Variants in PANX2 observed in about 807,000 individuals in gnomAD.
PANX2 encodes pannexin-2.
PANX2 carries 30 observed loss-of-function variants against 38.7 expected under a neutral mutation model. The ratio of observed to expected loss-of-function variants is 0.78; its 90% CI spans 0.58 to 1.05. The LOEUF is 1.05. Among genes scored for constraint, PANX2 ranks in the 50% least tolerant of loss-of-function variants. PANX2 has a pLI of 0.00. For missense variants in PANX2, 880 were observed against 979.3 expected (o/e 0.90, Z 1.35); for synonymous variants, 539 against 472.1 (o/e 1.14, Z -1.84).
At chr22:50,173,106 C>T (rs1010873129) in intron 1 of PANX2, among the ~76,000 whole-genome samples, 3 of 152,178 alleles carry the variant, frequency 2.0e-5, no homozygotes, top group Non-Finnish European at 4.4e-5. Context: ...CCATGTTGGC[C>T]AGGATGGTCT....
Position 50,179,279 on chromosome 22 carries a change from G to A in PANX2, c.*2G>A. 2 of 1,610,706 alleles carry A rather than the reference G, an allele frequency of 1.2e-6. No homozygotes were observed. Among genetic ancestry groups the A allele is most frequent in the Non-Finnish European group, 1.7e-6 (2 of 1,178,712 alleles). ...GTCGTGAGTACTGTGGAGTTTTGAG[G>A]GATGGCACCGTCCAGGCCGCCGAGA... On this transcript the variant is annotated 3_prime_UTR_variant, in exon 3 of 3. Transcript: ENST00000395842.
chr22:50,173,118 G>A (rs569735357), intron 1 of PANX2, among the ~76,000 whole-genome samples: 39 of 152,128 alleles, frequency 2.6e-4, no homozygotes, highest in East Asian at 7.8e-4. Flanking sequence ...GGATGGTCTC[G>A]ATCTCCTGAC....
Position 50,179,268 on chromosome 22 carries a change from G to C in PANX2, c.2025G>C (p.Val675=). Reference sequence around the variant, plus strand: ...AGCCGAGAACGGTCGTGAGTACTGTGGAGTTTTGAGGGATGGCACCGTCCA... The same window carrying C: ...AGCCGAGAACGGTCGTGAGTACTGTCGAGTTTTGAGGGATGGCACCGTCCA... ...FDEPRTVVST[V]EF Residue 675 remains valine (V), a synonymous_variant, in exon 3 of 3, where the codon GTG becomes GTC. Coordinates refer to ENST00000395842, the MANE Select transcript of PANX2 (RefSeq NM_052839.4). 6.2e-7 allele frequency: 1 copy of C among 1,612,176 alleles called. No homozygotes were observed. The highest frequency in any genetic ancestry group is 1.1e-5 in the South Asian group (1 of 91,030).
intron 1 of PANX2, among the ~76,000 whole-genome samples, chr22:50,172,945 GGAGTA>G (rs1250906697): frequency 6.8e-6 from 1 of 147,694 alleles, no homozygotes; most frequent in Non-Finnish European, 1.5e-5. Context: ...CACCCAGGCT[GGAGTA>G]TAGTGGCGCG....
In PANX2 at chr22:50,177,947, C is replaced by A; in HGVS notation, c.1235C>A (p.Ala412Asp). ...VQTVDPSANP[A>D]EPDGAAEPPV... The stretch of plus-strand genomic sequence containing the variant: ...ACCGTGGACCCCAGCGCCAACCCCG[C>A]CGAGCCCGACGGCGCCGCCGAGCCG... Residue 412 changes from alanine to aspartate, a missense_variant, in exon 2 of 3, where the codon GCC becomes GAC. Physicochemically the swap from Ala to Asp is moderately radical, Grantham distance 126 (BLOSUM62 -2). This residue lies in a region of PANX2 where 445 missense variants were observed against 404.3 expected (regional missense o/e 1.10). Transcript: ENST00000395842. 4 of 1,532,848 alleles carry A rather than the reference C, an allele frequency of 2.6e-6. No homozygotes were observed. The highest frequency in any genetic ancestry group is 2.5e-5 in the East Asian group (1 of 40,444). The allele number at this position is 1,532,848 out of a possible 1,614,324, so 95.0% of individuals were successfully genotyped here. A position where few individuals can be genotyped will look rare whatever the true frequency, so the allele number is the denominator to read the frequency against.
Position 50,179,462 on chromosome 22 carries a change from G to C in PANX2, c.*185G>C. 6.8e-6 allele frequency: 4 copies of C among 591,958 alleles called. No homozygotes were observed. The highest frequency in any genetic ancestry group is 6.2e-5 in the South Asian group (3 of 48,156). The allele number at this position is 591,958 out of a possible 1,614,324, so 36.7% of individuals were successfully genotyped here. ...CGTGCTCGACAGGGGAACCCGCCCG[G>C]ACGGCATCGCCAGGCACTGGCTGGG... On this transcript the variant is annotated 3_prime_UTR_variant, in exon 3 of 3. Transcript: ENST00000395842.
chr22:50,173,086 C>T (rs949941103), intron 1 of PANX2, among the ~76,000 whole-genome samples: 14 of 152,108 alleles, frequency 9.2e-5, no homozygotes, highest in East Asian at 1.9e-4. Flanking sequence ...TTAGTAGAGA[C>T]GGGGTTTTGC....
chr22:50,172,550 C>T (rs930077167), intron 1 of PANX2, among the ~76,000 whole-genome samples: 1 of 151,398 alleles, frequency 6.6e-6, no homozygotes, highest in African/African-American at 2.4e-5. Context: ...AGCCCCGAGC[C>T]CCCAGTAGCA....
chr22:50,178,112 C>T lies in PANX2; in HGVS notation c.1400C>T (p.Thr467Met). The T allele has an allele frequency of 1.9e-6, 3 of 1,543,188 alleles. No homozygotes were observed. Among genetic ancestry groups the T allele is most frequent in the South Asian group, 1.2e-5 (1 of 84,034 alleles). ...AAGCCGAAGCCCGCGCGCAGGAAGACGGCCACGGACACGCTGATCGCGCCG... is the reference window on the plus strand; with the variant it reads ...AAGCCGAAGCCCGCGCGCAGGAAGATGGCCACGGACACGCTGATCGCGCCG... ...AEKPKPARRK[T>M]ATDTLIAPLL... is the part of the protein sequence containing the mutation. Residue 467 changes from threonine (T) to methionine (M), a missense_variant, in exon 2 of 3, where the codon ACG becomes ATG. Physicochemically the swap from Thr to Met is moderately conservative, Grantham distance 81 (BLOSUM62 -1). Around this residue, in one of 4 missense-constraint regions of PANX2, gnomAD observed 445 missense variants for 404.3 expected, o/e 1.10. Transcript: ENST00000395842.
intron 1 of PANX2, among the ~76,000 whole-genome samples, chr22:50,176,573 A>G (rs1221935844): frequency 1.3e-5 from 2 of 152,252 alleles, no homozygotes; most frequent in African/African-American, 4.8e-5. Flanking sequence ...TGTGGATAGA[A>G]GAAGGACCCT....
At chr22:50,172,635 G>C (rs2147058035) in intron 1 of PANX2, among the ~76,000 whole-genome samples, 1 of 152,176 alleles carries the variant, frequency 6.6e-6, no homozygotes, top group African/African-American at 2.4e-5. Context: ...AAACTCCTGG[G>C]CTCAAGTGAT....
rs1460077150 is a variant in PANX2 at position 50,177,025 on chromosome 22, GA to G, written c.314del (p.Asp105AlafsTer129). On this transcript the variant is annotated frameshift_variant, in exon 2 of 3. Transcript: ENST00000395842. LOFTEE classifies it high-confidence loss of function. ...CGGCTACTGCTGGACGGAGCTGCGG[GA>G]CGCGCTGCCCGGCGTGGACGCCAGC... ...ARGYCWTELR[D>X]ALPGVDASLW... is the part of the protein sequence containing the mutation. 6.2e-7 allele frequency: 1 copy of G among 1,605,640 alleles called. No individual in the cohort carries two copies. Among genetic ancestry groups the G allele is most frequent in the Non-Finnish European group, 8.5e-7 (1 of 1,177,886 alleles).
Position 50,173,328 on chromosome 22 carries a change from C to T in PANX2, c.226+2372C>T, listed in dbSNP as rs1016850663. 4.6e-5 allele frequency among the ~76,000 whole-genome samples: 7 copies of T among 152,392 alleles called. No homozygotes were observed. In the South Asian group the frequency reaches 1.0e-3, roughly 23 times the overall value. ...GATTACAGGCATGAGCCACCGCACC[C>T]GGCCCAACTTTCTTCTTTAAAGCGG... On this transcript the variant is annotated intron_variant, in intron 1 of 2. Coordinates refer to ENST00000395842, the MANE Select transcript of PANX2 (RefSeq NM_052839.4).
At chr22:50,173,771 C>T (rs1569066126) in intron 1 of PANX2, among the ~76,000 whole-genome samples, 1 of 152,224 alleles carries the variant, frequency 6.6e-6, no homozygotes, top group African/African-American at 2.4e-5. Flanking sequence ...CCAGAGGCCT[C>T]CACATTCCTG....
chr22:50,179,097 C>T lies in PANX2; in HGVS notation c.1854C>T (p.Ser618=), dbSNP rs770397542. ...AGGCGGAGCCCCTCACCATCCTGAGCCGAAACGCCACACACCCGCTGCTGC... is the reference window on the plus strand; with the variant it reads ...AGGCGGAGCCCCTCACCATCCTGAGTCGAAACGCCACACACCCGCTGCTGC... The part of the protein sequence containing the change: ...LGKAEPLTIL[S]RNATHPLLHI... Residue 618 remains serine, a synonymous_variant, in exon 3 of 3, where the codon AGC becomes AGT. Coordinates refer to ENST00000395842, the MANE Select transcript of PANX2 (RefSeq NM_052839.4). The T allele has an allele frequency of 1.2e-6, 2 of 1,611,778 alleles. No homozygotes were observed. Among genetic ancestry groups the T allele is most frequent in the South Asian group, 2.2e-5 (2 of 90,948 alleles).
chr22:50,172,092 A>C (rs1049822346), intron 1 of PANX2, among the ~76,000 whole-genome samples: 1 of 152,170 alleles, frequency 6.6e-6, no homozygotes, highest in Non-Finnish European at 1.5e-5. Flanking sequence ...GTGGGCACAC[A>C]GCACACTCTG....
chr22:50,177,509 A>C lies in PANX2; in HGVS notation c.797A>C (p.Asp266Ala). The C allele has an allele frequency of 2.5e-6, 4 of 1,609,624 alleles. No homozygotes were observed. The highest frequency in any genetic ancestry group is 3.4e-6 in the Non-Finnish European group (4 of 1,178,344). ...EFTCALGASP[D>A]GAAGAGPAVR... Reference sequence around the variant, plus strand: ...ACCTGCGCGCTGGGCGCGTCCCCGGACGGGGCGGCAGGTGCGGGGCCCGCG... The same window carrying C: ...ACCTGCGCGCTGGGCGCGTCCCCGGCCGGGGCGGCAGGTGCGGGGCCCGCG... The change falls in exon 2 of 3, where the codon GAC (aspartate) becomes GCC (alanine). Residue 266 changes from aspartate (D) to alanine (A), a missense_variant. Asp to Ala is a moderately radical substitution (Grantham distance 126). Transcript: ENST00000395842.
chr22:50,171,588 G>C (rs746133453), intron 1 of PANX2, among the ~76,000 whole-genome samples: 4 of 152,158 alleles, frequency 2.6e-5, no homozygotes, highest in Admixed American at 6.5e-5. Context: ...ACCAGGGCAG[G>C]GACCCGCGCT....
Position 50,178,026 on chromosome 22 carries a change from G to T in PANX2, c.1314G>T (p.Pro438=). The T allele has an allele frequency of 6.5e-7, 1 of 1,548,238 alleles. No individual in the cohort carries two copies. Residue 438 remains proline (P), a synonymous_variant, in exon 2 of 3, where the codon CCG becomes CCT. Coordinates refer to ENST00000395842, the MANE Select transcript of PANX2 (RefSeq NM_052839.4). ...TGAAGTGGATCCCCACCAGCAACCC[G>T]CTTCCGCAGCCCTTCAAGGAGCCGC... ...KKMKWIPTSN[P]LPQPFKEPLA...
Sources: allele counts gnomAD v4.1 joint callset (sites outside exome capture counted in the v4.1 genomes callset), GRCh38; gene constraint gnomAD v4.1.1; regional missense constraint gnomAD v4.1.1; transcripts MANE v1.5; gene names NCBI Gene and HGNC (gene_info 2026-07-23, HGNC 2026-07-21).